PLXNA4: variants seen among roughly 807,000 people sequenced by gnomAD.
PLXNA4 encodes the protein plexin-A4.
Under a neutral mutation model 191.8 loss-of-function variants are expected in PLXNA4, and 44 were observed. That is an observed-to-expected ratio of 0.23 (90% CI 0.18 to 0.29). The LOEUF is 0.29. Among genes scored for constraint, PLXNA4 ranks in the 10% least tolerant of loss-of-function variants. The probability of loss-of-function intolerance (pLI) is 1.00; values close to 1 mark genes in which losing one functional copy is unlikely to be tolerated. For missense variants in PLXNA4, 1,800 were observed against 2,488.8 expected (o/e 0.72, Z 5.89); for synonymous variants, 1,082 against 1,009.5 (o/e 1.07, Z -1.36).
chr7:132,298,547 G>C (rs1335405909), intron 3 of PLXNA4, among the ~76,000 whole-genome samples: 1 of 152,212 alleles, frequency 6.6e-6, no homozygotes, highest in Non-Finnish European at 1.5e-5. Context: ...AGGCTTGGAG[G>C]AACAACATGT....
At chr7:132,349,056 T>C (rs1279981619) in intron 3 of PLXNA4, among the ~76,000 whole-genome samples, 3 of 152,174 alleles carry the variant, frequency 2.0e-5, no homozygotes, top group Non-Finnish European at 4.4e-5. Flanking sequence ...AAGACACTGG[T>C]AGCCATCCAA....
intron 3 of PLXNA4, among the ~76,000 whole-genome samples, chr7:132,355,585 TG>T (rs1177400503): frequency 1.3e-5 from 2 of 152,170 alleles, no homozygotes; most frequent in African/African-American, 4.8e-5. Context: ...ACCATGTGCC[TG>T]GCACTGCCCT....
chr7:132,156,909 T>C (rs1795816502), intron 25 of PLXNA4, among the ~76,000 whole-genome samples: 1 of 152,150 alleles, frequency 6.6e-6, no homozygotes, highest in Admixed American at 6.5e-5. Flanking sequence ...CTCTAAACTC[T>C]AGATTTAAAA....
chr7:132,203,436 G>T lies in PLXNA4; in HGVS notation c.2299-17C>A. The T allele has an allele frequency of 6.2e-7, 1 of 1,610,484 alleles. No individual in the cohort carries two copies. Among genetic ancestry groups the T allele is most frequent in the Non-Finnish European group, 8.5e-7 (1 of 1,176,686 alleles). ...ATAGGAATACTGCAGCCAGGTCGGGGAGGAGGAAAGAAGAAAGTGGGGTCA... is the reference window on the plus strand; with the variant it reads ...ATAGGAATACTGCAGCCAGGTCGGGTAGGAGGAAAGAAGAAAGTGGGGTCA... On this transcript the variant is annotated splice_polypyrimidine_tract_variant and intron_variant, in intron 10 of 31. Coordinates refer to ENST00000321063, the MANE Select transcript of PLXNA4 (RefSeq NM_020911.2).
intron 1 of PLXNA4, among the ~76,000 whole-genome samples, chr7:132,565,824 T>C (rs1203929486): frequency 1.3e-5 from 2 of 152,198 alleles, no homozygotes; most frequent in Non-Finnish European, 2.9e-5. Context: ...TTTCCCAGCA[T>C]GGCTGGGAAT....
chr7:132,259,613 C>G (rs1305648021), intron 4 of PLXNA4, among the ~76,000 whole-genome samples: 1 of 152,092 alleles, frequency 6.6e-6, no homozygotes, highest in Non-Finnish European at 1.5e-5. Flanking sequence ...CTTTGTGCAT[C>G]TTGGTTCTTC....
intron 3 of PLXNA4, among the ~76,000 whole-genome samples, chr7:132,481,959 A>C (rs1290813700): frequency 1.3e-5 from 2 of 152,196 alleles, no homozygotes; most frequent in Non-Finnish European, 2.9e-5. Flanking sequence ...AATCAAAGCC[A>C]CAAGCCAAAA....
intron 4 of PLXNA4, among the ~76,000 whole-genome samples, chr7:132,245,061 C>T (rs1406849447): frequency 6.6e-6 from 1 of 152,152 alleles, no homozygotes; most frequent in African/African-American, 2.4e-5. Flanking sequence ...CCCTGGAACA[C>T]AAACCACTCC....
At chr7:132,349,659 C>A (rs1332399989) in intron 3 of PLXNA4, among the ~76,000 whole-genome samples, 5 of 152,178 alleles carry the variant, frequency 3.3e-5, no homozygotes, top group African/African-American at 1.2e-4. Context: ...AGTTTAAATG[C>A]ATTTCCCCTT....
rs1796673035 is a variant in PLXNA4 at position 132,180,617 on chromosome 7, G to A, written c.3608C>T (p.Ser1203Phe). The change falls in exon 19 of 32, where the codon TCC (serine) becomes TTC (phenylalanine). Residue 1203 changes from serine to phenylalanine, a missense_variant. This residue lies in a region of PLXNA4 where 1,397 missense variants were observed against 1,880.4 expected (regional missense o/e 0.74). Transcript: ENST00000321063. ...TTTGTGCCTGCCGATGAGGTTGGGG[G>A]ACTCGCAGAGCAGCTGGACATCTGA... ...TVSDVQLLCESPNLIGRHKVM... is the reference protein window; with the variant it reads ...TVSDVQLLCEFPNLIGRHKVM... 6.2e-7 allele frequency: 1 copy of A among 1,614,196 alleles called. No homozygotes were observed. Among genetic ancestry groups the A allele is most frequent in the South Asian group, 1.1e-5 (1 of 91,082 alleles).
In PLXNA4 at chr7:132,189,010, G is replaced by GGAA. The variant is rs1562908987; in HGVS notation, c.2857-1404_2857-1403insTTC. 1.2e-4 allele frequency among the ~76,000 whole-genome samples: 8 copies of GGAA among 69,084 alleles called. No individual in the cohort carries two copies. In the East Asian group the frequency reaches 1.4e-3, roughly 12 times the overall value. 45.3% of individuals were successfully genotyped at this position (69,084 alleles called of 152,430 possible). ...AAAGGAAAGGAGAGAGAGAGAGAGA[G>GGAA]AGAGAGAGAGAGAGAGAGAAAGAGA... On this transcript the variant is annotated intron_variant, in intron 14 of 31. Transcript: ENST00000321063.
chr7:132,434,203 C>T (rs1328370258), intron 3 of PLXNA4, among the ~76,000 whole-genome samples: 1 of 152,196 alleles, frequency 6.6e-6, no homozygotes, highest in Admixed American at 6.5e-5. Context: ...CCCTCACTGG[C>T]ATCAGATTTG....
intron 3 of PLXNA4, among the ~76,000 whole-genome samples, chr7:132,327,507 A>G (rs1802420779): frequency 6.6e-6 from 1 of 152,164 alleles, no homozygotes; most frequent in Non-Finnish European, 1.5e-5. Context: ...GTTCTTCCAG[A>G]ATAAGATCCA....
At chr7:132,579,430 T>TGTGTGC (rs1162650803), upstream of PLXNA4, among the ~76,000 whole-genome samples, 1 of 150,696 alleles carries the variant, frequency 6.6e-6, no homozygotes, top group Non-Finnish European at 1.5e-5. Context: ...TGTATTTGTG[T>TGTGTGC]GTGTGTGCGT....
intron 3 of PLXNA4, among the ~76,000 whole-genome samples, chr7:132,349,246 A>G (rs780568423): frequency 3.9e-5 from 6 of 152,148 alleles, no homozygotes; most frequent in Non-Finnish European, 7.3e-5. Context: ...AGAAGTTATA[A>G]GCCGTGCTAT....
At chr7:132,302,495 TC>T (rs1198503897) in intron 3 of PLXNA4, among the ~76,000 whole-genome samples, 2 of 151,894 alleles carry the variant, frequency 1.3e-5, no homozygotes, top group Non-Finnish European at 2.9e-5. Context: ...CTAGTTATAA[TC>T]GAGGTAAGAG....
chr7:132,168,668 A>C, intron 21 of PLXNA4, 96 bp from the exon 22 acceptor site: 2 of 1,447,556 alleles, frequency 1.4e-6, no homozygotes, highest in Non-Finnish European at 1.8e-6. Flanking sequence ...TGACCCTCTC[A>C]TCCACCAATT....
intron 4 of PLXNA4, among the ~76,000 whole-genome samples, chr7:132,259,810 A>G (rs1799572261): frequency 6.6e-6 from 1 of 152,252 alleles, no homozygotes; most frequent in South Asian, 2.1e-4. Context: ...GGAATGAGCT[A>G]TCAAGCCATG....
chr7:132,207,035 A>G (rs956790713), intron 10 of PLXNA4, among the ~76,000 whole-genome samples: 1 of 152,228 alleles, frequency 6.6e-6, no homozygotes, highest in Non-Finnish European at 1.5e-5. Flanking sequence ...AGACCTCGAT[A>G]TAACTGAGAC....
Sources: gnomAD v4.1 joint callset for allele counts (sites outside exome capture counted in the v4.1 genomes callset) on GRCh38, gnomAD v4.1.1 for gene constraint, gnomAD v4.1.1 regional missense constraint, MANE v1.5 for transcripts, NCBI Gene and HGNC (gene_info 2026-07-23, HGNC 2026-07-21) for gene names.